The following RNMT variants were observed in gnomAD, a reference collection of about 807,000 sequenced individuals.
RNMT encodes RNA guanine-7 methyltransferase, also known as mRNA cap guanine-N(7) methyltransferase.
Under a neutral mutation model 56.0 loss-of-function variants are expected in RNMT, and 27 were observed. The observed-to-expected ratio is 0.48, with a 90% CI of 0.36 to 0.67. The LOEUF is 0.67. RNMT is among the 30% of genes least tolerant of loss of function. The pLI is 0.00. For synonymous variants in RNMT, 184 were observed against 176.2 expected, an observed-to-expected ratio of 1.04 and a Z score of -0.35; for missense variants, 519 against 552.1, an observed-to-expected ratio of 0.94 and a Z score of 0.60.
intron 11 of RNMT, among the ~76,000 whole-genome samples, chr18:13,755,352 G>A (rs969215447): frequency 2.0e-5 from 3 of 152,204 alleles, no homozygotes; most frequent in Non-Finnish European, 2.9e-5. Context: ...GTGCAGGTGC[G>A]TGTAACGTTT....
At chr18:13,743,330 AAATAAATAAATAAATAAAT>A (rs1452151338) in intron 8 of RNMT, among the ~76,000 whole-genome samples, 1 of 17,322 alleles carries the variant, frequency 5.8e-5, no homozygotes, top group African/African-American at 1.7e-4. Context: ...CTCAAAAAAA[AAATAAATAAATAAATAAAT>A]AAATAAATAA....
chr18:13,740,507 A>T (rs1323683845), intron 6 of RNMT, among the ~76,000 whole-genome samples: 1 of 152,086 alleles, frequency 6.6e-6, no homozygotes, highest in East Asian at 1.9e-4. Flanking sequence ...CCTCCTGAGT[A>T]GCTGGGACTA....
At position 13,761,526 on chromosome 18, in the gene RNMT, T is replaced by C. The variant is rs943105106; in HGVS notation, c.*1547T>C. 1.3e-5 allele frequency: 13 copies of C among 991,680 alleles called. No homozygotes were observed. Among genetic ancestry groups the C allele is most frequent in the African/African-American group, 3.5e-5 (2 of 57,266 alleles). The allele number at this position is 991,680 out of a possible 1,614,324, so 61.4% of individuals were successfully genotyped here. On this transcript the variant is annotated 3_prime_UTR_variant, in exon 12 of 12. Coordinates refer to ENST00000383314, the MANE Select transcript of RNMT (RefSeq NM_003799.3). ...GGTCTTAATTAACAGGTAATAATAA[T>C]ACATGTACTTTTAGCCTGAAACCTC...
At chr18:13,728,642 C>T (rs1052534046) in intron 1 of RNMT, among the ~76,000 whole-genome samples, 8 of 151,912 alleles carry the variant, frequency 5.3e-5, no homozygotes, top group Middle Eastern at 3.2e-3. Flanking sequence ...GCCTCAGCAT[C>T]CATTTTTTAA....
intron 10 of RNMT, 150 bp downstream of exon 10, chr18:13,752,577 T>C (rs2044468423): frequency 3.4e-6 from 2 of 590,940 alleles, no homozygotes; most frequent in South Asian, 2.2e-5. Context: ...TGACTTGTTA[T>C]AACCACAGAA....
At chr18:13,742,421 A>T in intron 7 of RNMT, 67 bp from the exon 8 acceptor site, 1 of 1,467,032 alleles carries the variant, frequency 6.8e-7, no homozygotes, top group Non-Finnish European at 9.4e-7. Flanking sequence ...GCATAATCTG[A>T]TCAAAATAAG....
chr18:13,741,878 G>A (rs1369132010), intron 7 of RNMT, among the ~76,000 whole-genome samples, 187 bp downstream of exon 7: 1 of 152,144 alleles, frequency 6.6e-6, no homozygotes, highest in African/African-American at 2.4e-5. Flanking sequence ...ACTTTTAACA[G>A]TTCATCTTTG....
chr18:13,728,669 A>G (rs1329587206), intron 1 of RNMT, among the ~76,000 whole-genome samples: 5 of 152,006 alleles, frequency 3.3e-5, no homozygotes, highest in Non-Finnish European at 7.4e-5. Flanking sequence ...TTTTGATAAA[A>G]GCCGTTTTAA....
chr18:13,739,487 A>G (rs2149090219), intron 5 of RNMT, among the ~76,000 whole-genome samples: 1 of 152,324 alleles, frequency 6.6e-6, no homozygotes, highest in Non-Finnish European at 1.5e-5. Context: ...ATCTTTAAAC[A>G]GGGAAAAGGG....
At chr18:13,757,319 C>G (rs1013782089) in intron 11 of RNMT, among the ~76,000 whole-genome samples, 1 of 152,018 alleles carries the variant, frequency 6.6e-6, no homozygotes, top group Admixed American at 6.6e-5. Context: ...ATTGACCATT[C>G]TTTCACAGAA....
intron 11 of RNMT, among the ~76,000 whole-genome samples, chr18:13,756,715 G>A (rs4797810): frequency 0.89 from 135,558 of 152,260 alleles, 60,422 homozygotes; most frequent in East Asian, 0.97. Context: ...CTGCTATGGT[G>A]TTCCTGTACA....
At chr18:13,756,061 T>G (rs1376472385) in intron 11 of RNMT, among the ~76,000 whole-genome samples, 1 of 152,206 alleles carries the variant, frequency 6.6e-6, no homozygotes. Context: ...GAGCGTATTT[T>G]GCATGCCATC....
chr18:13,748,316 T>C (rs1002744840), intron 9 of RNMT, among the ~76,000 whole-genome samples: 3 of 152,208 alleles, frequency 2.0e-5, no homozygotes, highest in Non-Finnish European at 1.5e-5. Flanking sequence ...TAATAGCATG[T>C]AGTTTGAAAA....
At chr18:13,752,466 A>C in intron 10 of RNMT, 39 bp downstream of exon 10, 2 of 1,235,142 alleles carry the variant, frequency 1.6e-6, no homozygotes, top group Non-Finnish European at 2.4e-6. Context: ...TAGAGAATGA[A>C]AAAAAGAACA....
At chr18:13,747,827 T>C (rs1375631778) in intron 9 of RNMT, among the ~76,000 whole-genome samples, 1 of 152,206 alleles carries the variant, frequency 6.6e-6, no homozygotes, top group Non-Finnish European at 1.5e-5. Flanking sequence ...GTTTTGTTTG[T>C]CTTAAGGAAG....
chr18:13,734,518 G>A lies in RNMT; in HGVS notation c.472G>A (p.Glu158Lys). Residue 158 changes from glutamate to lysine, a missense_variant, in exon 4 of 12, where the codon GAA becomes AAA. By Grantham distance (56) the Glu-to-Lys change is moderately conservative. Transcript: ENST00000383314. ...GGCTGCCCATTACAATGAACTTCAG[G>A]AAGTTGGTTTGGAGAAGCGTAGTCA... ...TVAAHYNELQ[E>K]VGLEKRSQSR... 2 of 1,613,696 alleles carry A rather than the reference G, an allele frequency of 1.2e-6. No individual in the cohort carries two copies. The highest frequency in any genetic ancestry group is 2.2e-5 in the South Asian group (2 of 90,998).
Position 13,762,010 on chromosome 18 carries a change from G to A in RNMT, c.*2031G>A. 1.3e-6 allele frequency: 2 copies of A among 1,535,980 alleles called. No individual in the cohort carries two copies. Among genetic ancestry groups the A allele is most frequent in the Non-Finnish European group, 1.7e-6 (2 of 1,146,810 alleles). On this transcript the variant is annotated 3_prime_UTR_variant, in exon 12 of 12. Coordinates refer to ENST00000383314, the MANE Select transcript of RNMT (RefSeq NM_003799.3). ...GTAGGACTCTTCCTTGACACACCTT[G>A]TCGTCTAAATGTTCGGTATTCTATT...
chr18:13,726,847 G>A (rs1247623109), intron 1 of RNMT, 118 bp downstream of exon 1: 2 of 152,306 alleles, frequency 1.3e-5, no homozygotes, highest in Non-Finnish European at 1.5e-5. Context: ...CATTAGCCCT[G>A]TGCTTCACTA....
At chr18:13,738,671 C>CA (rs766231679) in intron 5 of RNMT, among the ~76,000 whole-genome samples, 27 of 152,222 alleles carry the variant, frequency 1.8e-4, no homozygotes, top group Admixed American at 8.5e-4. Flanking sequence ...TGTTGAGAAT[C>CA]AAAAAATCAC....
Sources: allele counts gnomAD v4.1 joint callset (sites outside exome capture counted in the v4.1 genomes callset), GRCh38; gene constraint gnomAD v4.1.1; transcripts MANE v1.5; gene names NCBI Gene and HGNC (gene_info 2026-07-23, HGNC 2026-07-21).